Variants in LUZP2 observed in about 807,000 individuals in gnomAD.
The protein encoded by LUZP2 is leucine zipper protein 2.
A neutral mutation model predicts 51.6 loss-of-function variants in LUZP2; 52 were observed. The ratio of observed to expected loss-of-function variants is 1.01; its 90% confidence interval spans 0.81 to 1.27. The LOEUF (loss-of-function observed/expected upper bound fraction) is 1.27, where lower values mean the gene tolerates loss of function less well. Among genes scored for constraint, LUZP2 ranks in the 50% most tolerant of loss-of-function variants. LUZP2 has a pLI of 0.00. For synonymous variants in LUZP2, 154 were observed against 137.3 expected, an observed-to-expected ratio of 1.12 and a Z score of -0.85; for missense variants, 436 against 395.4, an observed-to-expected ratio of 1.10 and a Z score of -0.87.
At chr11:24,508,597 G>A (rs1850210184) in intron 1 of LUZP2, among the ~76,000 whole-genome samples, 2 of 152,132 alleles carry the variant, frequency 1.3e-5, no homozygotes, top group Non-Finnish European at 2.9e-5. Flanking sequence ...GAACAAATGT[G>A]TAGAATCAGG....
chr11:24,693,209 TTTG>T (rs1423935309), intron 1 of LUZP2, among the ~76,000 whole-genome samples: 4 of 151,766 alleles, frequency 2.6e-5, no homozygotes, highest in Admixed American at 1.3e-4. Context: ...ATAATATCAT[TTTG>T]TTGTTGTTGT....
intron 1 of LUZP2, among the ~76,000 whole-genome samples, chr11:24,682,720 T>C (rs1856782669): frequency 6.6e-6 from 1 of 151,472 alleles, no homozygotes; most frequent in African/African-American, 2.4e-5. Context: ...ATAATAATGT[T>C]AGTGGCCAGG....
At chr11:24,973,612 C>T (rs1855809348) in intron 7 of LUZP2, among the ~76,000 whole-genome samples, 1 of 151,828 alleles carries the variant, frequency 6.6e-6, no homozygotes, top group South Asian at 2.1e-4. Context: ...TTTGCTATAG[C>T]TGCATCCCAG....
At chr11:24,562,473 A>AT (rs1253692047) in intron 1 of LUZP2, among the ~76,000 whole-genome samples, 3 of 151,518 alleles carry the variant, frequency 2.0e-5, no homozygotes, top group African/African-American at 7.3e-5. Flanking sequence ...TCCTAAGGAA[A>AT]AAAAAAGAAA....
At chr11:24,998,545 T>G (rs937701921) in intron 9 of LUZP2, among the ~76,000 whole-genome samples, 5 of 152,216 alleles carry the variant, frequency 3.3e-5, no homozygotes, top group African/African-American at 9.6e-5. Flanking sequence ...TTTTCTCGTC[T>G]TGTGGAGTTC....
chr11:25,020,868 A>C lies in LUZP2; in HGVS notation c.766-29170A>C, dbSNP rs191163102. Among the ~76,000 whole-genome samples the C allele has an allele frequency of 2.0e-3, 309 of 152,216 alleles. 2 individuals are homozygous for C. Among genetic ancestry groups the C allele is most frequent in the African/African-American group, 6.7e-3 (279 of 41,566 alleles). ...AATAGGCACATGATAATGTATATCCAAGAGAATAATTTGGAATGTTATTAA... is the reference window on the plus strand; with the variant it reads ...AATAGGCACATGATAATGTATATCCCAGAGAATAATTTGGAATGTTATTAA... On this transcript the variant is annotated intron_variant, in intron 9 of 11. Transcript: ENST00000336930.
intron 1 of LUZP2, among the ~76,000 whole-genome samples, chr11:24,637,559 C>A (rs1400235009): frequency 2.6e-5 from 4 of 151,804 alleles, no homozygotes; most frequent in South Asian, 2.1e-4. Context: ...TTGCTGAATT[C>A]TTTTCCCTTC....
rs575160648 is a variant in LUZP2, at chr11:24,986,438, T to G, written c.765+3145T>G. On this transcript the variant is annotated intron_variant, in intron 9 of 11. Transcript: ENST00000336930. ...TTGCAATTTGTGTTCAATGACATCA[T>G]GTTATCAGATTGAAATTGGTAACAT... 1.5e-4 allele frequency among the ~76,000 whole-genome samples: 23 copies of G among 151,640 alleles called. No homozygotes were observed. The South Asian group carries it at 4.6e-3, about 30-fold the overall frequency.
chr11:24,826,323 T>G (rs908586924), intron 5 of LUZP2, among the ~76,000 whole-genome samples: 2 of 151,038 alleles, frequency 1.3e-5, no homozygotes, highest in East Asian at 3.9e-4. Flanking sequence ...GACTATGATA[T>G]GGTAGTTGTG....
chr11:24,602,059 T>C (rs1853686762), intron 1 of LUZP2, among the ~76,000 whole-genome samples: 1 of 144,844 alleles, frequency 6.9e-6, no homozygotes, highest in Non-Finnish European at 1.5e-5. Flanking sequence ...TGTGTATATA[T>C]GTGTATATAT....
chr11:24,783,816 A>G (rs1276040357), intron 5 of LUZP2, among the ~76,000 whole-genome samples: 2 of 151,970 alleles, frequency 1.3e-5, no homozygotes, highest in Non-Finnish European at 2.9e-5. Context: ...TCCAAGTTTG[A>G]AACAGTAGTG....
intron 5 of LUZP2, among the ~76,000 whole-genome samples, chr11:24,870,638 G>C (rs1852040149): frequency 1.3e-5 from 2 of 152,078 alleles, no homozygotes. Context: ...TCCTCCAAAA[G>C]TATCCTAAAG....
chr11:24,623,417 A>G (rs572590151), intron 1 of LUZP2, among the ~76,000 whole-genome samples: 20 of 152,154 alleles, frequency 1.3e-4, no homozygotes, highest in Non-Finnish European at 2.8e-4. Flanking sequence ...TTTTGATATG[A>G]CACAGATTCA....
chr11:24,717,185 C>A (rs1306428523), intron 1 of LUZP2, among the ~76,000 whole-genome samples: 1 of 152,022 alleles, frequency 6.6e-6, no homozygotes, highest in Non-Finnish European at 1.5e-5. Flanking sequence ...CTGATGTAAC[C>A]ATTCAAGCAA....
chr11:24,761,939 G>C (rs1226725765), intron 4 of LUZP2, among the ~76,000 whole-genome samples: 2 of 151,646 alleles, frequency 1.3e-5, no homozygotes, highest in African/African-American at 4.8e-5. Context: ...GGTTACCTGG[G>C]GGGGTGGGGG....
chr11:24,794,763 A>G (rs1849504568), intron 5 of LUZP2, among the ~76,000 whole-genome samples: 1 of 152,128 alleles, frequency 6.6e-6, no homozygotes, highest in Non-Finnish European at 1.5e-5. Flanking sequence ...AGTTTCTTTC[A>G]AGACTGAAAT....
chr11:24,926,422 T>C lies in LUZP2; in HGVS notation c.522+11884T>C, dbSNP rs369937997. 1.7e-4 allele frequency among the ~76,000 whole-genome samples: 22 copies of C among 129,828 alleles called. 1 individual carries two copies. The highest frequency in any genetic ancestry group is 1.3e-3 in the East Asian group (6 of 4,750). 85.2% of individuals were successfully genotyped at this position (129,828 alleles called of 152,430 possible). On this transcript the variant is annotated intron_variant, in intron 7 of 11. Coordinates refer to ENST00000336930, the MANE Select transcript of LUZP2 (RefSeq NM_001009909.4). ...ATATATATATACGTGTGTATATATA[T>C]GTGTGTATATATATACGTGTATATA... is the stretch of plus-strand genomic sequence containing the variant.
At chr11:24,877,120 A>G (rs1411362920) in intron 5 of LUZP2, among the ~76,000 whole-genome samples, 1 of 152,194 alleles carries the variant, frequency 6.6e-6, no homozygotes, top group Non-Finnish European at 1.5e-5. Flanking sequence ...GTAATACTAT[A>G]ATGTGAAGTG....
intron 1 of LUZP2, among the ~76,000 whole-genome samples, chr11:24,579,359 T>C (rs1048520649): frequency 2.0e-5 from 3 of 152,102 alleles, no homozygotes; most frequent in Non-Finnish European, 2.9e-5. Context: ...AGGAGATATA[T>C]ACACTATAGA....
Sources: gnomAD v4.1 joint callset for allele counts (sites outside exome capture counted in the v4.1 genomes callset) on GRCh38, gnomAD v4.1.1 for gene constraint, MANE v1.5 for transcripts, NCBI Gene and HGNC (gene_info 2026-07-23, HGNC 2026-07-21) for gene names.